MRTFB: variants seen among roughly 807,000 people sequenced by gnomAD.
MRTFB encodes myocardin related transcription factor B.
MRTFB carries 29 observed loss-of-function variants against 104.2 expected under a neutral mutation model. The observed-to-expected ratio is 0.28, with a 90% CI of 0.21 to 0.38. The LOEUF is 0.38. MRTFB is among the 10% of genes least tolerant of loss of function. The pLI is 1.00. For synonymous variants in MRTFB, 535 were observed against 519.5 expected, an observed-to-expected ratio of 1.03 and a Z score of -0.41; for missense variants, 1,270 against 1,341.6, an observed-to-expected ratio of 0.95 and a Z score of 0.83.
intron 2 of MRTFB, among the ~76,000 whole-genome samples, chr16:14,123,104 G>A (rs1315574021): frequency 2.0e-5 from 3 of 152,022 alleles, no homozygotes; most frequent in African/African-American, 4.8e-5. Context: ...GAGAAGTGTC[G>A]GTTCACACCC....
At chr16:14,184,348 GAGC>G (rs999400957) in intron 3 of MRTFB, among the ~76,000 whole-genome samples, 14 of 151,310 alleles carry the variant, frequency 9.3e-5, no homozygotes, top group Non-Finnish European at 1.9e-4. Context: ...TCAGCCTCCC[GAGC>G]AGCTGGGATT....
the MRTFB span, among the ~76,000 whole-genome samples, chr16:14,023,036 T>A: frequency 6.6e-6 from 1 of 152,146 alleles, no homozygotes; most frequent in African/African-American, 2.4e-5. Flanking sequence ...CTCTATTTTT[T>A]AATTTTATAT....
At chr16:14,151,665 G>A (rs1348106215) in intron 3 of MRTFB, 2 of 152,156 alleles carry the variant, frequency 1.3e-5, no homozygotes, top group East Asian at 3.8e-4. Context: ...AACATTTGAA[G>A]AGCAGCTTAT....
At chr16:14,022,004 C>T in the MRTFB span, among the ~76,000 whole-genome samples, 2 of 152,212 alleles carry the variant, frequency 1.3e-5, no homozygotes, top group Non-Finnish European at 2.9e-5. Flanking sequence ...CTGACTTCTT[C>T]TGCCACATAC....
At chr16:14,157,922 C>G (rs2038886294) in intron 3 of MRTFB, among the ~76,000 whole-genome samples, 1 of 151,616 alleles carries the variant, frequency 6.6e-6, no homozygotes, top group Non-Finnish European at 1.5e-5. Context: ...TATATAGTTT[C>G]ATTTTATTGG....
At chr16:14,013,145 G>A in the MRTFB span, 1 of 152,234 alleles carries the variant, frequency 6.6e-6, no homozygotes, top group East Asian at 1.9e-4. Flanking sequence ...TATGTCCTGA[G>A]CGCTCTGAGT....
chr16:14,088,541 C>T (rs573952091), intron 2 of MRTFB, among the ~76,000 whole-genome samples: 3 of 152,258 alleles, frequency 2.0e-5, no homozygotes, highest in African/African-American at 4.8e-5. Context: ...ATGAAGATAA[C>T]GCTACTTTAT....
At chr16:14,001,201 C>T in the MRTFB span, among the ~76,000 whole-genome samples, 1 of 152,242 alleles carries the variant, frequency 6.6e-6, no homozygotes, top group African/African-American at 2.4e-5. Context: ...CACTGGATTA[C>T]ATGAAAGGGG....
At chr16:14,083,586 CCT>C (rs1276398123) in intron 2 of MRTFB, among the ~76,000 whole-genome samples, 1 of 152,170 alleles carries the variant, frequency 6.6e-6, no homozygotes, top group Non-Finnish European at 1.5e-5. Flanking sequence ...TGCTTACTTC[CCT>C]CTGTTTCCCC....
At chr16:14,203,863 A>G (rs1262261312) in intron 3 of MRTFB, among the ~76,000 whole-genome samples, 1 of 152,112 alleles carries the variant, frequency 6.6e-6, no homozygotes, top group Non-Finnish European at 1.5e-5. Flanking sequence ...CAAAAGAGGA[A>G]AGACATATCT....
At chr16:14,121,272 GA>G (rs1160260847) in intron 2 of MRTFB, among the ~76,000 whole-genome samples, 2 of 146,404 alleles carry the variant, frequency 1.4e-5, no homozygotes, top group South Asian at 2.2e-4. Flanking sequence ...AATTGAATCA[GA>G]AAAAAAAAGA....
At chr16:14,104,131 AT>A (rs1855699396) in intron 2 of MRTFB, among the ~76,000 whole-genome samples, 1 of 152,234 alleles carries the variant, frequency 6.6e-6, no homozygotes, top group South Asian at 2.1e-4. Context: ...TTACAAATGA[AT>A]TTTGACATGT....
At chr16:14,245,697 A>T in intron 11 of MRTFB, 37 bp downstream of exon 11, 1 of 1,586,684 alleles carries the variant, frequency 6.3e-7, no homozygotes, top group African/African-American at 1.4e-5. Context: ...ACCCCTAAGT[A>T]CCACAAACAT....
rs191598874 is a variant in MRTFB at position 14,185,911 on chromosome 16, A to G, written c.155-24332A>G. On this transcript the variant is annotated intron_variant, in intron 3 of 16. Transcript: ENST00000571589. ...GAGATTTCCTTCCAGCAGTGTCCCT[A>G]TATGCAGTGAACAGCAGCCTGTGAC... 1.4e-4 allele frequency among the ~76,000 whole-genome samples: 21 copies of G among 152,326 alleles called. No homozygotes were observed. The East Asian group carries it at 1.9e-3, about 14-fold the overall frequency.
chr16:14,092,957 T>C (rs1446804918), intron 2 of MRTFB: 2 of 152,254 alleles, frequency 1.3e-5, no homozygotes, highest in African/African-American at 2.4e-5. Flanking sequence ...TCATCTTTTA[T>C]ATAAAAATAA....
At chr16:14,225,310 A>G (rs982736197) in intron 8 of MRTFB, among the ~76,000 whole-genome samples, 1 of 152,250 alleles carries the variant, frequency 6.6e-6, no homozygotes, top group African/African-American at 2.4e-5. Context: ...TTACAAATCT[A>G]TGTTAATGGC....
At chr16:14,129,812 GTCT>G (rs1332064971) in intron 2 of MRTFB, among the ~76,000 whole-genome samples, 23 of 152,026 alleles carry the variant, frequency 1.5e-4, no homozygotes, top group Non-Finnish European at 2.8e-4. Flanking sequence ...TCATGCATAT[GTCT>G]TCTTTAGTGA....
chr16:14,114,447 T>C (rs2142201642), intron 2 of MRTFB, among the ~76,000 whole-genome samples: 1 of 152,346 alleles, frequency 6.6e-6, no homozygotes, highest in East Asian at 1.9e-4. Context: ...CCCACATTTA[T>C]TCTATTTTTA....
At chr16:14,051,551 A>G in the MRTFB span, among the ~76,000 whole-genome samples, 2 of 152,012 alleles carry the variant, frequency 1.3e-5, no homozygotes, top group Non-Finnish European at 2.9e-5. Flanking sequence ...AGACACACAC[A>G]GACAGTACAC....
Sources: gnomAD v4.1 joint callset for allele counts (sites outside exome capture counted in the v4.1 genomes callset) on GRCh38, gnomAD v4.1.1 for gene constraint, MANE v1.5 for transcripts, NCBI Gene and HGNC (gene_info 2026-07-23, HGNC 2026-07-21) for gene names.